Variants in PBX1 observed in about 807,000 individuals in gnomAD.
The protein encoded by PBX1 is PBX homeobox 1.
Under a neutral mutation model 53.4 loss-of-function variants are expected in PBX1, and 6 were observed. The observed-to-expected ratio is 0.11, with a 90% CI of 0.06 to 0.22. PBX1 has a LOEUF of 0.22. Ranked by LOEUF, PBX1 falls within the 10% of genes least tolerant of loss-of-function variation. The pLI is 1.00. For missense variants in PBX1, 251 were observed against 551.4 expected (o/e 0.46, Z 5.46); for synonymous variants, 204 against 212.3 (o/e 0.96, Z 0.34).
chr1:164,727,897 T>C (rs1232942066), intron 2 of PBX1, among the ~76,000 whole-genome samples: 1 of 152,210 alleles, frequency 6.6e-6, no homozygotes, highest in Non-Finnish European at 1.5e-5. Flanking sequence ...ACCTCATTGA[T>C]GTTTTAGTGT....
chr1:164,870,875 G>T (rs1363241997), intron 2 of PBX1, among the ~76,000 whole-genome samples: 1 of 152,090 alleles, frequency 6.6e-6, no homozygotes, highest in Non-Finnish European at 1.5e-5. Context: ...CTCCTATTTT[G>T]CTCAAAGTTG....
chr1:164,615,182 A>G (rs76612477), intron 2 of PBX1, among the ~76,000 whole-genome samples: 1 of 152,178 alleles, frequency 6.6e-6, no homozygotes, highest in African/African-American at 2.4e-5. Context: ...TATGGACACA[A>G]TTTCTCCATA....
chr1:164,865,125 C>T (rs1195225233), intron 2 of PBX1, among the ~76,000 whole-genome samples: 1 of 152,194 alleles, frequency 6.6e-6, no homozygotes, highest in African/African-American at 2.4e-5. Flanking sequence ...TCAGAACAAT[C>T]CTGTGATTGC....
rs755364079 is a variant in PBX1 at position 164,849,649 on chromosome 1, C to A, written c.*2973C>A. ...TGCCCACCTTGTAACTCTTCCTTAT[C>A]TCCTCCTTTTCATCCCTAATCCATC... On this transcript the variant is annotated 3_prime_UTR_variant, in exon 9 of 9. Coordinates refer to ENST00000420696, the MANE Select transcript of PBX1 (RefSeq NM_002585.4). 3.9e-5 allele frequency: 18 copies of A among 458,934 alleles called. No individual in the cohort carries two copies. The highest frequency in any genetic ancestry group is 1.1e-3 in the Middle Eastern group (2 of 1,806). 28.4% of individuals were successfully genotyped at this position (458,934 alleles called of 1,614,324 possible).
rs542113802 is a variant in PBX1 at position 164,603,905 on chromosome 1, A to G, written c.265+40594A>G. 1.6e-4 allele frequency among the ~76,000 whole-genome samples: 22 copies of G among 140,592 alleles called. No homozygotes were observed. The South Asian group carries it at 5.0e-3, about 32-fold the overall frequency. The allele number at this position is 140,592 out of a possible 152,430, so 92.2% of individuals were successfully genotyped here. Reference sequence around the variant, plus strand: ...ACTGTTTGCTAGACATTAATGCAAGACACTCTGTACATTATGTCATTTCAT... The same window carrying G: ...ACTGTTTGCTAGACATTAATGCAAGGCACTCTGTACATTATGTCATTTCAT... On this transcript the variant is annotated intron_variant, in intron 2 of 8. Coordinates refer to ENST00000420696, the MANE Select transcript of PBX1 (RefSeq NM_002585.4).
rs1446872704 is a variant in PBX1 at position 164,708,553 on chromosome 1, C to A, written c.266-83941C>A. On this transcript the variant is annotated intron_variant, in intron 2 of 8. Coordinates refer to ENST00000420696, the MANE Select transcript of PBX1 (RefSeq NM_002585.4). The stretch of plus-strand genomic sequence containing the variant: ...TTTTTCAGCCCTTGCCCTTTCCCTC[C>A]CTCCTCCTTTTTGGAAACCCCAGTA... 3.9e-5 allele frequency among the ~76,000 whole-genome samples: 6 copies of A among 152,132 alleles called. No homozygotes were observed. The East Asian group carries it at 1.2e-3, about 29-fold the overall frequency.
intron 2 of PBX1, among the ~76,000 whole-genome samples, chr1:164,755,628 A>G (rs968811137): frequency 2.0e-5 from 3 of 152,098 alleles, no homozygotes; most frequent in Admixed American, 2.0e-4. Context: ...TGGCTTGAAC[A>G]TAACACTCTG....
chr1:164,637,307 C>T (rs1658840704), intron 2 of PBX1, among the ~76,000 whole-genome samples: 1 of 152,152 alleles, frequency 6.6e-6, no homozygotes, highest in Non-Finnish European at 1.5e-5. Context: ...CTAAAGGGGT[C>T]ATTTGAAAAG....
intron 2 of PBX1, among the ~76,000 whole-genome samples, chr1:164,777,293 C>T (rs541257745): frequency 9.9e-5 from 15 of 152,200 alleles, no homozygotes; most frequent in South Asian, 4.1e-4. Flanking sequence ...CATGGTGGCA[C>T]GCACCTGTAG....
At chr1:164,658,300 C>T (rs1362842619) in intron 2 of PBX1, among the ~76,000 whole-genome samples, 4 of 152,188 alleles carry the variant, frequency 2.6e-5, no homozygotes, top group African/African-American at 9.7e-5. Context: ...AAAGCAAGTG[C>T]TGCCATTTCC....
At chr1:164,871,565 C>T (rs945946457) in intron 2 of PBX1, among the ~76,000 whole-genome samples, 4 of 152,208 alleles carry the variant, frequency 2.6e-5, no homozygotes, top group African/African-American at 9.6e-5. Flanking sequence ...CCTGCCCCAT[C>T]ATGGACAGGT....
At chr1:164,858,055 T>C (rs548800034) in intron 2 of PBX1, among the ~76,000 whole-genome samples, 86 of 152,132 alleles carry the variant, frequency 5.7e-4, no homozygotes, top group Non-Finnish European at 4.1e-4. Flanking sequence ...GCTATGGGTA[T>C]ATTTTCTTTC....
At chr1:164,573,131 A>C (rs1653988164) in intron 2 of PBX1, among the ~76,000 whole-genome samples, 1 of 152,160 alleles carries the variant, frequency 6.6e-6, no homozygotes, top group African/African-American at 2.4e-5. Flanking sequence ...AAGTAAGAAG[A>C]AGCAGGTGAA....
intron 2 of PBX1, among the ~76,000 whole-genome samples, chr1:164,623,150 C>G (rs1657800290): frequency 6.6e-6 from 1 of 152,134 alleles, no homozygotes; most frequent in African/African-American, 2.4e-5. Flanking sequence ...TTCCTTCTCT[C>G]TTCTCTAGAT....
At position 164,764,965 on chromosome 1, in the gene PBX1, C is replaced by T. The variant is rs555048047; in HGVS notation, c.266-27529C>T. The stretch of plus-strand genomic sequence containing the variant: ...GCCAAGTTGTCTTTATTATAATTCT[C>T]CTGTGAATTGGTCTTCTTTGGGAAG... On this transcript the variant is annotated intron_variant, in intron 2 of 8. Transcript: ENST00000420696. Among the ~76,000 whole-genome samples the T allele has an allele frequency of 2.6e-5, 4 of 152,160 alleles. No individual in the cohort carries two copies. The South Asian group carries it at 8.3e-4, about 32-fold the overall frequency.
intron 3 of PBX1, 26 bp from the exon 4 acceptor site, chr1:164,799,673 C>T (rs750858097): frequency 1.3e-6 from 2 of 1,596,808 alleles, no homozygotes; most frequent in Non-Finnish European, 1.7e-6. Flanking sequence ...CCCTCAATGA[C>T]GGTGTTGATT....
chr1:164,593,821 C>T (rs1041449975), intron 2 of PBX1, among the ~76,000 whole-genome samples: 3 of 152,124 alleles, frequency 2.0e-5, no homozygotes, highest in African/African-American at 4.8e-5. Context: ...CCGTTTCTTC[C>T]GTGGCTCTGC....
chr1:164,615,655 A>G (rs1289092605), intron 2 of PBX1, among the ~76,000 whole-genome samples: 1 of 152,188 alleles, frequency 6.6e-6, no homozygotes, highest in Non-Finnish European at 1.5e-5. Context: ...ATGTGAAACA[A>G]TCGCTAAACG....
At chr1:164,773,396 A>T (rs367587684) in intron 2 of PBX1, among the ~76,000 whole-genome samples, 1 of 152,176 alleles carries the variant, frequency 6.6e-6, no homozygotes, top group South Asian at 2.1e-4. Flanking sequence ...GACACACGGT[A>T]TATCTTCATG....
Sources: allele counts gnomAD v4.1 joint callset (sites outside exome capture counted in the v4.1 genomes callset), GRCh38; gene constraint gnomAD v4.1.1; transcripts MANE v1.5; gene names NCBI Gene and HGNC (gene_info 2026-07-23, HGNC 2026-07-21).